The following MECOM variants were observed in gnomAD, a reference collection of about 807,000 sequenced individuals.
MECOM encodes the protein histone-lysine N-methyltransferase MECOM.
A neutral mutation model predicts 116.3 loss-of-function variants in MECOM; 13 were observed. The ratio of observed to expected loss-of-function variants is 0.11; its 90% confidence interval spans 0.07 to 0.18. MECOM has a LOEUF of 0.18. Ranked by LOEUF, MECOM falls within the 10% of genes least tolerant of loss-of-function variation. The pLI, the probability that MECOM is intolerant of heterozygous loss-of-function variation, is 1.00. For synonymous variants in MECOM, 528 were observed against 535.2 expected (o/e 0.99, Z 0.19); for missense variants, 1,299 against 1,509.0 (o/e 0.86, Z 2.31).
chr3:169,601,844 G>T (rs890797759), intron 1 of MECOM, among the ~76,000 whole-genome samples: 4 of 152,152 alleles, frequency 2.6e-5, no homozygotes, highest in African/African-American at 9.7e-5. Flanking sequence ...GTAGGTTAAA[G>T]GTTAAAAATA....
At chr3:169,523,536 G>A (rs1757601070) in intron 1 of MECOM, among the ~76,000 whole-genome samples, 1 of 151,782 alleles carries the variant, frequency 6.6e-6, no homozygotes, top group South Asian at 2.1e-4. Context: ...TACTGCAAAT[G>A]TGCTTAATGA....
chr3:169,493,367 C>T (rs1245548395), intron 1 of MECOM, among the ~76,000 whole-genome samples: 2 of 152,136 alleles, frequency 1.3e-5, no homozygotes, highest in African/African-American at 4.8e-5. Flanking sequence ...TAATCTCTTG[C>T]AAAACCTGTA....
intron 2 of MECOM, among the ~76,000 whole-genome samples, chr3:169,302,808 G>A (rs146330266): frequency 5.3e-5 from 8 of 152,076 alleles, no homozygotes; most frequent in Non-Finnish European, 1.0e-4. Flanking sequence ...AGATTGCAAT[G>A]AGCCGAGATT....
At position 169,160,343 on chromosome 3, in the gene MECOM, C is replaced by T. The variant is rs1006773794; in HGVS notation, c.376-16511G>A. ...AGAAAAATAAGAATCTTCAAAATTA[C>T]GCTAGAAATGATATGTGTTTTTTAA... On this transcript the variant is annotated intron_variant, in intron 2 of 16. Transcript: ENST00000651503. 4.6e-5 allele frequency among the ~76,000 whole-genome samples: 7 copies of T among 151,572 alleles called. No homozygotes were observed. The South Asian group carries it at 8.3e-4, about 18-fold the overall frequency.
chr3:169,296,570 A>C (rs763884415), intron 2 of MECOM, among the ~76,000 whole-genome samples: 2 of 152,204 alleles, frequency 1.3e-5, no homozygotes, highest in African/African-American at 2.4e-5. Flanking sequence ...CAGAGTTTTC[A>C]ACTGAAATCC....
At chr3:169,631,142 T>C (rs955224674) in intron 1 of MECOM, among the ~76,000 whole-genome samples, 9 of 152,276 alleles carry the variant, frequency 5.9e-5, no homozygotes, top group African/African-American at 2.2e-4. Flanking sequence ...AAGCCCAGCC[T>C]TGCCTCTTTT....
chr3:169,621,969 A>G (rs1263957389), intron 1 of MECOM, among the ~76,000 whole-genome samples: 5 of 152,230 alleles, frequency 3.3e-5, no homozygotes, highest in African/African-American at 9.6e-5. Context: ...ATCAAGAGAC[A>G]AGACATGAGA....
intron 1 of MECOM, among the ~76,000 whole-genome samples, chr3:169,546,730 A>G (rs1760769597): frequency 6.6e-6 from 1 of 151,152 alleles, no homozygotes; most frequent in East Asian, 2.2e-4. Context: ...AAAGAAAGAG[A>G]AAGGAAGGAA....
At chr3:169,592,987 T>C (rs1360991778) in intron 1 of MECOM, among the ~76,000 whole-genome samples, 1 of 152,234 alleles carries the variant, frequency 6.6e-6, no homozygotes, top group African/African-American at 2.4e-5. Context: ...AAACATGAGA[T>C]ACATATGCCT....
intron 2 of MECOM, among the ~76,000 whole-genome samples, chr3:169,204,190 T>C (rs958253448): frequency 6.6e-6 from 1 of 152,188 alleles, no homozygotes; most frequent in Non-Finnish European, 1.5e-5. Flanking sequence ...TTAACATTGT[T>C]ACAGACAAAT....
chr3:169,305,998 G>T (rs947151344), intron 2 of MECOM, among the ~76,000 whole-genome samples: 1 of 151,906 alleles, frequency 6.6e-6, no homozygotes, highest in African/African-American at 2.4e-5. Flanking sequence ...CTCTAGTTTG[G>T]TTAAAGATTT....
intron 2 of MECOM, among the ~76,000 whole-genome samples, chr3:169,177,898 G>A (rs1020687033): frequency 2.7e-5 from 4 of 150,004 alleles, no homozygotes; most frequent in East Asian, 2.0e-4. Context: ...CAGCCTGGGC[G>A]ACAAGAGCTA....
intron 1 of MECOM, among the ~76,000 whole-genome samples, chr3:169,490,437 A>C (rs1239545672): frequency 2.0e-5 from 3 of 152,248 alleles, no homozygotes; most frequent in Non-Finnish European, 4.4e-5. Context: ...AGCAGAAACA[A>C]CTCAACTATT....
intron 1 of MECOM, 69 bp downstream of exon 1, chr3:169,663,267 C>G: frequency 1.3e-6 from 2 of 1,543,652 alleles, no homozygotes; most frequent in Non-Finnish European, 1.8e-6. Flanking sequence ...CCTCCCGGAG[C>G]GCTAGAGACA....
chr3:169,107,814 C>A, intron 10 of MECOM, 112 bp downstream of exon 10: 1 of 819,632 alleles, frequency 1.2e-6, no homozygotes, highest in Middle Eastern at 3.1e-4. Flanking sequence ...AACCATATCA[C>A]GTAATGGAAA....
chr3:169,520,431 G>A lies in MECOM; in HGVS notation c.38-138907C>T, dbSNP rs1016572931. 3.9e-5 allele frequency among the ~76,000 whole-genome samples: 6 copies of A among 152,066 alleles called. No individual in the cohort carries two copies. The East Asian group carries it at 5.8e-4, about 15-fold the overall frequency. ...GGATCTGAACTCTAGCTCTTGTTCC[G>A]CCATTTTCTTGAGCCACATCCTCTC... On this transcript the variant is annotated intron_variant, in intron 1 of 16. Coordinates refer to ENST00000651503, the MANE Select transcript of MECOM (RefSeq NM_004991.4).
chr3:169,215,876 C>T (rs184534026), intron 2 of MECOM, among the ~76,000 whole-genome samples: 47 of 152,282 alleles, frequency 3.1e-4, no homozygotes, highest in African/African-American at 8.2e-4. Context: ...GCTGGCATTC[C>T]GCCTCAGCTG....
chr3:169,457,163 G>A (rs1314010554), intron 1 of MECOM, among the ~76,000 whole-genome samples: 2 of 152,168 alleles, frequency 1.3e-5, no homozygotes, highest in Non-Finnish European at 1.5e-5. Context: ...CCTGCCATGT[G>A]TTTGACAGTC....
chr3:169,596,369 C>T (rs947082124), intron 1 of MECOM, among the ~76,000 whole-genome samples: 2 of 152,136 alleles, frequency 1.3e-5, no homozygotes, highest in African/African-American at 2.4e-5. Context: ...AACCCTTGAT[C>T]GGGCAAACGT....
Sources: allele counts gnomAD v4.1 joint callset (sites outside exome capture counted in the v4.1 genomes callset), GRCh38; gene constraint gnomAD v4.1.1; transcripts MANE v1.5; gene names NCBI Gene and HGNC (gene_info 2026-07-23, HGNC 2026-07-21).